The following PHYHD1 variants were observed in gnomAD, a reference collection of about 807,000 sequenced individuals.
PHYHD1 encodes phytanoyl-CoA dioxygenase domain-containing protein 1.
In PHYHD1, 42 loss-of-function variants were observed where a neutral mutation model predicts 43.6. The observed-to-expected ratio is 0.96, with a 90% CI of 0.75 to 1.25. The LOEUF (loss-of-function observed/expected upper bound fraction) is 1.25, where lower values mean the gene tolerates loss of function less well. Among genes scored for constraint, PHYHD1 ranks in the 50% most tolerant of loss-of-function variants. The pLI is 0.00. For synonymous variants in PHYHD1, 139 were observed against 143.6 expected (o/e 0.97, Z 0.23); for missense variants, 342 against 370.8 (o/e 0.92, Z 0.64).
chr9:128,940,083 T>G (rs1841518345), intron 9 of PHYHD1, among the ~76,000 whole-genome samples: 1 of 152,142 alleles, frequency 6.6e-6, no homozygotes, highest in African/African-American at 2.4e-5. Flanking sequence ...ATCAAGCAGT[T>G]ACATTGTTGG....
At chr9:128,928,989 T>A in intron 4 of PHYHD1, among the ~76,000 whole-genome samples, 1 of 152,158 alleles carries the variant, frequency 6.6e-6, no homozygotes, top group East Asian at 1.9e-4. Flanking sequence ...CCAATCACGT[T>A]ACCATGAACT....
intron 11 of PHYHD1, among the ~76,000 whole-genome samples, chr9:128,941,119 G>A (rs930134790): frequency 8.5e-5 from 13 of 152,178 alleles, no homozygotes; most frequent in Non-Finnish European, 1.6e-4. Context: ...GTCTAACTCA[G>A]CATCACCGGA....
At chr9:128,932,528 C>G (rs562420166) in intron 4 of PHYHD1, among the ~76,000 whole-genome samples, 2 of 151,946 alleles carry the variant, frequency 1.3e-5, no homozygotes, top group Non-Finnish European at 2.9e-5. Flanking sequence ...CCACCATGCC[C>G]GGCTAATTTT....
At position 128,927,001 on chromosome 9, in the gene PHYHD1, C is replaced by T. The variant is rs1841153143; in HGVS notation, c.34-37C>T. 5.0e-6 allele frequency: 8 copies of T among 1,613,880 alleles called. No individual in the cohort carries two copies. In the East Asian group the frequency reaches 6.7e-5, roughly 13 times the overall value. On this transcript the variant is annotated intron_variant, in intron 3 of 12. Coordinates refer to ENST00000372592, the MANE Select transcript of PHYHD1 (RefSeq NM_001100876.2). ...GGGAAGGGTCAGACAGGAGCATTTG[C>T]AGACTGGGGAAGCCTGAGTCTCAAG...
chr9:128,924,489 G>A (rs1841084156), intron 3 of PHYHD1, among the ~76,000 whole-genome samples: 1 of 152,072 alleles, frequency 6.6e-6, no homozygotes, highest in Admixed American at 6.6e-5. Flanking sequence ...GTGTGCACCT[G>A]CAGTCCCAGC....
intron 4 of PHYHD1, among the ~76,000 whole-genome samples, chr9:128,932,850 TA>T (rs1841327676): frequency 1.5e-5 from 2 of 137,642 alleles, no homozygotes; most frequent in African/African-American, 5.0e-5. Flanking sequence ...TTTATTTATT[TA>T]TTTATTTATT....
In PHYHD1 at chr9:128,936,475, A is replaced by G. The variant is rs1247203173; in HGVS notation, c.344A>G (p.Lys115Arg). 1 of 1,613,732 alleles carries G rather than the reference A, an allele frequency of 6.2e-7. No homozygotes were observed. The highest frequency in any genetic ancestry group is 8.5e-7 in the Non-Finnish European group (1 of 1,179,926). Residue 115 changes from lysine (K) to arginine (R), a missense_variant, in exon 7 of 13, where the codon AAG becomes AGG. Lys to Arg is a conservative substitution (Grantham distance 26, BLOSUM62 2). Coordinates refer to ENST00000372592, the MANE Select transcript of PHYHD1 (RefSeq NM_001100876.2). Reference sequence around the variant, plus strand: ...CTGCACGCCCACGACCCCGTCTTCAAGAGCATCACACACTCCTTCAAGGTG... The same window carrying G: ...CTGCACGCCCACGACCCCGTCTTCAGGAGCATCACACACTCCTTCAAGGTG... ...HALHAHDPVF[K>R]SITHSFKVQT...
At chr9:128,922,220 G>A (rs770832344) in intron 2 of PHYHD1, 63 bp from the exon 3 acceptor site, 7 of 1,444,742 alleles carry the variant, frequency 4.8e-6, no homozygotes, top group Non-Finnish European at 6.6e-6. Context: ...GTGGGACCGG[G>A]TTTTCTCCGG....
chr9:128,932,181 A>ATTT lies in PHYHD1; in HGVS notation c.193-1599_193-1598insTTT, dbSNP rs1265015070. On this transcript the variant is annotated intron_variant, in intron 4 of 12. Coordinates refer to ENST00000372592, the MANE Select transcript of PHYHD1 (RefSeq NM_001100876.2). ...TATTATTATTATTGTTATTATTATT[A>ATTT]TTATTTTTTTTTTTTGAGATGGAGT... Among the ~76,000 whole-genome samples the ATTT allele has an allele frequency of 9.8e-4, 105 of 107,678 alleles. 1 individual carries two copies. The highest frequency in any genetic ancestry group is 4.9e-3 in the Middle Eastern group (1 of 204). The allele number at this position is 107,678 out of a possible 152,430, so 70.6% of individuals were successfully genotyped here. A position where few individuals can be genotyped will look rare whatever the true frequency, so the allele number is the denominator to read the frequency against.
chr9:128,923,213 G>A (rs1183406781), intron 3 of PHYHD1, among the ~76,000 whole-genome samples: 4 of 152,156 alleles, frequency 2.6e-5, no homozygotes, highest in African/African-American at 4.8e-5. Flanking sequence ...CAAAGTGCTG[G>A]GATTACAGGC....
intron 8 of PHYHD1, among the ~76,000 whole-genome samples, chr9:128,937,385 A>G (rs1020614458): frequency 1.3e-5 from 2 of 152,172 alleles, no homozygotes; most frequent in African/African-American, 4.8e-5. Flanking sequence ...GGGCCAGCTC[A>G]GTGCCACCTC....
intron 3 of PHYHD1, among the ~76,000 whole-genome samples, chr9:128,924,973 A>G (rs1388791627): frequency 6.6e-6 from 1 of 152,170 alleles, no homozygotes; most frequent in Non-Finnish European, 1.5e-5. Flanking sequence ...TCCTAGCTGT[A>G]TTTGTGTATT....
intron 4 of PHYHD1, among the ~76,000 whole-genome samples, chr9:128,929,180 A>T (rs1336478948): frequency 6.6e-6 from 1 of 152,038 alleles, no homozygotes; most frequent in Non-Finnish European, 1.5e-5. Context: ...AATTTTTTTA[A>T]ATTAGCTGGG....
rs1055203714 is a variant in PHYHD1 at position 128,940,243 on chromosome 9, T to TTC, written c.458-124_458-123dup. ...AGTCCTGGGCCAGGAAGTGATGAGATTCTAACTGATCATGGGAAGGCTGGC... is the reference window on the plus strand; with the variant it reads ...AGTCCTGGGCCAGGAAGTGATGAGATTCTCTAACTGATCATGGGAAGGCTGGC... On this transcript the variant is annotated intron_variant, in intron 9 of 12. Coordinates refer to ENST00000372592, the MANE Select transcript of PHYHD1 (RefSeq NM_001100876.2). 4 of 1,424,906 alleles carry TTC rather than the reference T, an allele frequency of 2.8e-6. No individual in the cohort carries two copies. In the African/African-American group the frequency reaches 5.7e-5, roughly 20 times the overall value. 88.3% of individuals were successfully genotyped at this position (1,424,906 alleles called of 1,614,324 possible).
chr9:128,922,061 G>C lies in PHYHD1; in HGVS notation c.-42+14G>C. On this transcript the variant is annotated intron_variant, in intron 2 of 12. Coordinates refer to ENST00000372592, the MANE Select transcript of PHYHD1 (RefSeq NM_001100876.2). ...TCCCGGCACCTGGTAAGCAGTGGTG[G>C]GGGGTGGTTTCCAGAAGAAACACAG... 1.9e-6 allele frequency: 1 copy of C among 521,454 alleles called. No homozygotes were observed. Among genetic ancestry groups the C allele is most frequent in the Non-Finnish European group, 3.4e-6 (1 of 293,030 alleles). 32.3% of individuals were successfully genotyped at this position (521,454 alleles called of 1,614,324 possible).
rs556760788 is a variant in PHYHD1 at position 128,940,641 on chromosome 9, C to T, written c.629C>T (p.Ala210Val). 2.4e-5 allele frequency: 39 copies of T among 1,614,158 alleles called. No homozygotes were observed. The highest frequency in any genetic ancestry group is 1.6e-4 in the East Asian group (7 of 44,878). ...ATGGTCCGGGCCCCTGTTGGCTCAGCGCCTGGTACCAGCTTCCTTGGGTCA... is the reference window on the plus strand; with the variant it reads ...ATGGTCCGGGCCCCTGTTGGCTCAGTGCCTGGTACCAGCTTCCTTGGGTCA... ...RRMVRAPVGS[A>V]PGTSFLGSEP... The change falls in exon 11 of 13, where the codon GCG becomes GTG. Residue 210 changes from alanine to valine, a missense_variant. Coordinates refer to ENST00000372592, the MANE Select transcript of PHYHD1 (RefSeq NM_001100876.2).
intron 3 of PHYHD1, among the ~76,000 whole-genome samples, chr9:128,923,685 G>A (rs1482996116): frequency 5.3e-5 from 8 of 152,166 alleles, no homozygotes; most frequent in Admixed American, 6.5e-5. Flanking sequence ...CCCCTATTGC[G>A]TAATCCTCCT....
chr9:128,927,255 G>A (rs1000664744), intron 4 of PHYHD1, 59 bp downstream of exon 4: 36 of 1,597,196 alleles, frequency 2.3e-5, no homozygotes, highest in Middle Eastern at 2.1e-4. Flanking sequence ...CTTGGTCCCC[G>A]GCCAGAGCAG....
chr9:128,929,695 G>T (rs532532662), intron 4 of PHYHD1, among the ~76,000 whole-genome samples: 1 of 152,020 alleles, frequency 6.6e-6, no homozygotes, highest in Admixed American at 6.6e-5. Flanking sequence ...ATTCATTTCA[G>T]TTTCCTTAGT....
Sources: gnomAD v4.1 joint callset for allele counts (sites outside exome capture counted in the v4.1 genomes callset) on GRCh38, gnomAD v4.1.1 for gene constraint, MANE v1.5 for transcripts, NCBI Gene and HGNC (gene_info 2026-07-23, HGNC 2026-07-21) for gene names.